The following HBP1 variants were observed in gnomAD, a reference collection of about 807,000 sequenced individuals.
HBP1 encodes HMG-box transcription factor 1.
In HBP1, 20 loss-of-function variants were observed where a neutral mutation model predicts 62.6. That is an observed-to-expected ratio of 0.32 (90% CI 0.22 to 0.46). The LOEUF (loss-of-function observed/expected upper bound fraction) is 0.46, where lower values mean the gene tolerates loss of function less well. HBP1 is among the 20% of genes least tolerant of loss of function. The pLI, the probability that HBP1 is intolerant of heterozygous loss-of-function variation, is 1.00. For missense variants in HBP1, 480 were observed against 611.8 expected, an observed-to-expected ratio of 0.78 and a Z score of 2.27; for synonymous variants, 232 against 206.2, an observed-to-expected ratio of 1.12 and a Z score of -1.07.
chr7:107,194,747 CAGATT>C (rs1797809623), intron 8 of HBP1, among the ~76,000 whole-genome samples: 1 of 152,090 alleles, frequency 6.6e-6, no homozygotes, highest in African/African-American at 2.4e-5. Context: ...GAGCTAGGTT[CAGATT>C]AGAAGCTGAA....
chr7:107,195,925 G>A lies in HBP1; in HGVS notation c.1159G>A (p.Gly387Ser). ...RRASLSCGGP[G>S]GQDFARSGFS... is the part of the protein sequence containing the mutation. ...TGCATCTTTGTCTTGTGGAGGACCT[G>A]GTGGTCAAGACTTTGCAAGATCTGG... The change falls in exon 9 of 11, where the codon GGT (glycine) becomes AGT (serine). Residue 387 changes from glycine (G) to serine (S), a missense_variant. By Grantham distance (56) the Gly-to-Ser change is moderately conservative (BLOSUM62 0). Transcript: ENST00000222574. The A allele has an allele frequency of 6.2e-7, 1 of 1,613,370 alleles. No homozygotes were observed. The highest frequency in any genetic ancestry group is 1.1e-5 in the South Asian group (1 of 91,064).
intron 1 of HBP1, chr7:107,170,049 C>G: frequency 1.0e-6 from 1 of 985,232 alleles, no homozygotes. Context: ...GTGTTTCACT[C>G]TCCGCTGTGC....
chr7:107,198,113 T>C (rs1798016060), intron 9 of HBP1, among the ~76,000 whole-genome samples: 1 of 152,214 alleles, frequency 6.6e-6, no homozygotes, highest in Admixed American at 6.5e-5. Context: ...ACTATCCTGA[T>C]TATAAGGGGT....
In HBP1 at chr7:107,186,578, T is replaced by C. The variant is rs1797385493; in HGVS notation, c.662T>C (p.Leu221Pro). The C allele has an allele frequency of 6.2e-7, 1 of 1,610,314 alleles. No homozygotes were observed. The change falls in exon 6 of 11, where the codon CTG (leucine) becomes CCG (proline). Residue 221 changes from leucine to proline, a missense_variant. Physicochemically the swap from Leu to Pro is moderately conservative, Grantham distance 98. Coordinates refer to ENST00000222574, the MANE Select transcript of HBP1 (RefSeq NM_012257.4). ...TCTACCTAAACCTTAGGCACACGAC[T>C]GTGCTTTCATAAGGGAAGCAATAAG... is the stretch of plus-strand genomic sequence containing the variant. ...VWHCFLKGTRLCFHKGSNKEW... is the reference protein window; with the variant it reads ...VWHCFLKGTRPCFHKGSNKEW...
At chr7:107,171,069 A>ATTTTTTTTTTTTTTTTTTT (rs1292839546) in intron 1 of HBP1, among the ~76,000 whole-genome samples, 1 of 72,376 alleles carries the variant, frequency 1.4e-5, no homozygotes, top group African/African-American at 1.1e-4. Flanking sequence ...ATATATATAT[A>ATTTTTTTTTTTTTTTTTTT]TATATTTTTT....
chr7:107,178,742 A>C lies in HBP1; in HGVS notation c.-15-1137A>C, dbSNP rs1174441190. ...CTCTGAAATGTTATTTAGAAAATGT[A>C]CTTTTTTTGGCCAGGTGCGGTGGCT... On this transcript the variant is annotated intron_variant, in intron 1 of 10. Transcript: ENST00000222574. Among the ~76,000 whole-genome samples the C allele has an allele frequency of 2.0e-5, 3 of 152,220 alleles. No individual in the cohort carries two copies. The East Asian group carries it at 5.8e-4, about 29-fold the overall frequency.
At position 107,190,222 on chromosome 7, in the gene HBP1, A is replaced by C; in HGVS notation, c.972A>C (p.Pro324=). Residue 324 remains proline, a synonymous_variant, in exon 8 of 11, where the codon CCA becomes CCC. Coordinates refer to ENST00000222574, the MANE Select transcript of HBP1 (RefSeq NM_012257.4). ...PSLTVVQHGI[P]CCEVHIGDVC... ...TGACTGTGGTACAGCATGGCATTCC[A>C]TGTTGTGAAGTTCATATTGGCGATG... is the stretch of plus-strand genomic sequence containing the variant. The C allele has an allele frequency of 6.2e-7, 1 of 1,611,898 alleles. No homozygotes were observed. The highest frequency in any genetic ancestry group is 8.5e-7 in the Non-Finnish European group (1 of 1,178,282).
At chr7:107,184,757 G>A (rs944242547) in intron 3 of HBP1, among the ~76,000 whole-genome samples, 1 of 152,192 alleles carries the variant, frequency 6.6e-6, no homozygotes, top group African/African-American at 2.4e-5. Context: ...TGATCCGCTT[G>A]CCTTGGCCTC....
chr7:107,183,068 C>T (rs79011260), intron 3 of HBP1, among the ~76,000 whole-genome samples: 2 of 152,258 alleles, frequency 1.3e-5, no homozygotes, highest in Non-Finnish European at 1.5e-5. Context: ...CTTAAACTTA[C>T]AAAAGTGGGT....
intron 9 of HBP1, chr7:107,196,620 T>C (rs1797918138): frequency 4.1e-6 from 1 of 244,766 alleles, no homozygotes. Flanking sequence ...TTATATGTAA[T>C]TATTTTATAA....
At chr7:107,191,209 A>G (rs1459636799) in intron 8 of HBP1, among the ~76,000 whole-genome samples, 2 of 152,194 alleles carry the variant, frequency 1.3e-5, no homozygotes, top group South Asian at 2.1e-4. Flanking sequence ...GAGTGAAACT[A>G]TTATTAAAAA....
intron 9 of HBP1, chr7:107,196,434 A>C (rs754281642): frequency 1.2e-4 from 47 of 377,982 alleles, no homozygotes; most frequent in Non-Finnish European, 2.3e-4. Context: ...ATACCTGGCT[A>C]ATTTTTTGTA....
chr7:107,180,255 T>C (rs1228824239), intron 2 of HBP1, among the ~76,000 whole-genome samples, 193 bp downstream of exon 2: 2 of 152,250 alleles, frequency 1.3e-5, no homozygotes, highest in Non-Finnish European at 2.9e-5. Context: ...TTTATGGTTA[T>C]TGTAGACACT....
chr7:107,187,660 A>G (rs980764082), intron 6 of HBP1, among the ~76,000 whole-genome samples: 2 of 152,162 alleles, frequency 1.3e-5, no homozygotes, highest in Admixed American at 6.5e-5. Context: ...GAAGTTCACA[A>G]TAGTCTAACT....
chr7:107,179,629 C>T (rs551404103), intron 1 of HBP1: 80 of 212,634 alleles, frequency 3.8e-4, no homozygotes, highest in African/African-American at 1.5e-3. Context: ...AAAATTAGCT[C>T]GGCGTGGTGG....
rs1798387158 is a variant in HBP1, at chr7:107,202,277, C to A, written c.*846C>A. Reference sequence around the variant, plus strand: ...GGCAGACTTTGCACTTACTGCAGTGCAACACTTGCACTTTAATTTTCCTCC... The same window carrying A: ...GGCAGACTTTGCACTTACTGCAGTGAAACACTTGCACTTTAATTTTCCTCC... On this transcript the variant is annotated 3_prime_UTR_variant, in exon 11 of 11. Coordinates refer to ENST00000222574, the MANE Select transcript of HBP1 (RefSeq NM_012257.4). 3 of 152,596 alleles carry A rather than the reference C, an allele frequency of 2.0e-5. No homozygotes were observed. Among genetic ancestry groups the A allele is most frequent in the Non-Finnish European group, 4.4e-5 (3 of 68,038 alleles). The allele number at this position is 152,596 out of a possible 1,614,324, so 9.5% of individuals were successfully genotyped here.
At chr7:107,181,294 T>C (rs1167495233) in intron 2 of HBP1, among the ~76,000 whole-genome samples, 1 of 151,938 alleles carries the variant, frequency 6.6e-6, no homozygotes, top group African/African-American at 2.4e-5. Flanking sequence ...TAGTGAGATA[T>C]CATCTCTACA....
rs775136780 is a variant in HBP1 at position 107,186,448 on chromosome 7, A to G, written c.628A>G (p.Thr210Ala). The G allele has an allele frequency of 1.2e-5, 19 of 1,609,122 alleles. No homozygotes were observed. The highest frequency in any genetic ancestry group is 1.4e-5 in the Non-Finnish European group (17 of 1,176,796). The part of the protein sequence containing the change: ...DLGWCNSWPS[T>A]VWHCFLKGTR... ...GGGATGGTGCAATTCCTGGCCTTCA[A>G]CTGTCTGGCACTGTTTTTTGAAAGG... The change falls in exon 5 of 11, where the codon ACT becomes GCT. Residue 210 changes from threonine to alanine, a missense_variant. Thr to Ala is a moderately conservative substitution (Grantham distance 58). Transcript: ENST00000222574.
At chr7:107,170,364 G>A (rs1218265782) in intron 1 of HBP1, among the ~76,000 whole-genome samples, 2 of 152,054 alleles carry the variant, frequency 1.3e-5, no homozygotes, top group Admixed American at 6.5e-5. Flanking sequence ...TTTAACATTG[G>A]AAATACTTTT....
Sources: gnomAD v4.1 joint callset for allele counts (sites outside exome capture counted in the v4.1 genomes callset) on GRCh38, gnomAD v4.1.1 for gene constraint, MANE v1.5 for transcripts, NCBI Gene and HGNC (gene_info 2026-07-23, HGNC 2026-07-21) for gene names.